The following CNTNAP4 variants were observed in gnomAD, a reference collection of about 807,000 sequenced individuals.
The protein encoded by CNTNAP4 is contactin associated protein family member 4, also known as contactin-associated protein-like 4.
A neutral mutation model predicts 148.4 loss-of-function variants in CNTNAP4; 98 were observed. That is an observed-to-expected ratio of 0.66 (90% CI 0.56 to 0.78). The LOEUF (loss-of-function observed/expected upper bound fraction) is 0.78. CNTNAP4 is among the 30% of genes least tolerant of loss of function. The pLI, the probability that CNTNAP4 is intolerant of heterozygous loss-of-function variation, is 0.00. For missense variants in CNTNAP4, 1,935 were observed against 1,565.6 expected, an observed-to-expected ratio of 1.24 and a Z score of -3.98; for synonymous variants, 730 against 565.1, an observed-to-expected ratio of 1.29 and a Z score of -4.14.
At chr16:76,316,263 T>C (rs752150565) in intron 1 of CNTNAP4, 150 bp from the exon 2 acceptor site, 21 of 700,886 alleles carry the variant, frequency 3.0e-5, no homozygotes, top group Non-Finnish European at 5.0e-5. Flanking sequence ...ACTAGACTTC[T>C]AGTAAGCCCT....
chr16:76,448,075 T>C lies in CNTNAP4; in HGVS notation c.602T>C (p.Leu201Pro). 1.2e-6 allele frequency: 2 copies of C among 1,613,780 alleles called. No individual in the cohort carries two copies. The highest frequency in any genetic ancestry group is 1.7e-4 in the Middle Eastern group (1 of 6,060). ...CTCTACAGATTTGATCAAAAATCCC[T>C]GAGCCCAATAAAAGACATTATTTCT... ...SLLYRFDQKS[L>P]SPIKDIISLK... The change falls in exon 5 of 24, where the codon CTG becomes CCG. Residue 201 changes from leucine (L) to proline (P), a missense_variant. Coordinates refer to ENST00000611870, the MANE Select transcript of CNTNAP4 (RefSeq NM_033401.5).
At chr16:76,498,041 C>T (rs971820293) in intron 14 of CNTNAP4, among the ~76,000 whole-genome samples, 3 of 152,138 alleles carry the variant, frequency 2.0e-5, no homozygotes, top group African/African-American at 7.2e-5. Flanking sequence ...CTATTTTTAA[C>T]ATATGCTATA....
rs114773480 is a variant in CNTNAP4 at position 76,439,633 on chromosome 16, A to G, written c.539-8379A>G. ...AGATTAATTTACATTGACAAAAATT[A>G]AGTGAGAATGATCATGTTTTTTCCC... On this transcript the variant is annotated intron_variant, in intron 4 of 23. Coordinates refer to ENST00000611870, the MANE Select transcript of CNTNAP4 (RefSeq NM_033401.5). Among the ~76,000 whole-genome samples the G allele has an allele frequency of 4.4e-3, 665 of 152,302 alleles. 4 individuals are homozygous for G. The highest frequency in any genetic ancestry group is 0.015 in the African/African-American group (633 of 41,582).
chr16:76,340,866 A>G (rs1030917609), intron 2 of CNTNAP4, among the ~76,000 whole-genome samples: 1 of 152,198 alleles, frequency 6.6e-6, no homozygotes. Flanking sequence ...CCAATCAGCA[A>G]TGTACTCCTT....
At chr16:76,346,484 T>A (rs1411290113) in intron 2 of CNTNAP4, among the ~76,000 whole-genome samples, 1 of 151,556 alleles carries the variant, frequency 6.6e-6, no homozygotes, top group Non-Finnish European at 1.5e-5. Context: ...GTTTTTAAAT[T>A]TCTGGGATAT....
chr16:76,435,146 A>G (rs1290392893), intron 4 of CNTNAP4, among the ~76,000 whole-genome samples: 2 of 152,148 alleles, frequency 1.3e-5, no homozygotes, highest in Admixed American at 6.5e-5. Flanking sequence ...CCTCCCCTTC[A>G]TTCAAGGGGT....
chr16:76,515,678 A>C (rs1461540053), intron 15 of CNTNAP4, among the ~76,000 whole-genome samples: 2 of 152,202 alleles, frequency 1.3e-5, no homozygotes, highest in Non-Finnish European at 2.9e-5. Flanking sequence ...AGGTTCAACC[A>C]AAGAAGGTAT....
chr16:76,337,957 C>T (rs1462308547), intron 2 of CNTNAP4, among the ~76,000 whole-genome samples: 1 of 152,130 alleles, frequency 6.6e-6, no homozygotes, highest in Non-Finnish European at 1.5e-5. Flanking sequence ...TTGTTCTATT[C>T]TTTTTCAGGG....
chr16:76,277,851 CG>C, intron 1 of CNTNAP4, 104 bp downstream of exon 1: 1 of 752,850 alleles, frequency 1.3e-6, no homozygotes, highest in Non-Finnish European at 2.3e-6. Context: ...TGCTGCAAAG[CG>C]TATTGCTGTA....
intron 2 of CNTNAP4, among the ~76,000 whole-genome samples, chr16:76,320,896 GC>G (rs1962336894): frequency 6.6e-6 from 1 of 152,106 alleles, no homozygotes; most frequent in Non-Finnish European, 1.5e-5. Context: ...ATTGTCCAAA[GC>G]AAAAATAATA....
intron 23 of CNTNAP4, among the ~76,000 whole-genome samples, chr16:76,556,988 C>T (rs2085225538): frequency 6.6e-6 from 1 of 152,132 alleles, no homozygotes; most frequent in Non-Finnish European, 1.5e-5. Flanking sequence ...TCCTCGCACT[C>T]CGTTACAGTT....
chr16:76,542,428 T>C (rs1043912701), intron 21 of CNTNAP4, among the ~76,000 whole-genome samples: 1 of 152,162 alleles, frequency 6.6e-6, no homozygotes, highest in Non-Finnish European at 1.5e-5. Flanking sequence ...CCAAAGAGAA[T>C]TGTAAAAGTC....
rs898167242 is a variant in CNTNAP4 at position 76,525,457 on chromosome 16, G to T, written c.2755+3200G>T. On this transcript the variant is annotated intron_variant, in intron 17 of 23. Coordinates refer to ENST00000611870, the MANE Select transcript of CNTNAP4 (RefSeq NM_033401.5). The stretch of plus-strand genomic sequence containing the variant: ...AAATCTATATAGAGAGAGAAAAAAT[G>T]TATATAATATAGAGAAAAAATATAT... 2.0e-5 allele frequency among the ~76,000 whole-genome samples: 3 copies of T among 147,886 alleles called. No individual in the cohort carries two copies. The Admixed American group carries it at 2.0e-4, about 10-fold the overall frequency.
chr16:76,338,096 G>A (rs142822498), intron 2 of CNTNAP4, among the ~76,000 whole-genome samples: 57 of 152,116 alleles, frequency 3.7e-4, no homozygotes, highest in African/African-American at 1.3e-3. Context: ...AGAGATTAAA[G>A]TAAAGACAGA....
rs548793575 is a variant in CNTNAP4, at chr16:76,461,302, C to T, written c.1334-654C>T. ...CCTCAGCAGGAAATGTGGACAGGGC[C>T]GCTTAAGGTCTTTACTGCTCTGTAC... On this transcript the variant is annotated intron_variant, in intron 8 of 23. Transcript: ENST00000611870. Among the ~76,000 whole-genome samples the T allele has an allele frequency of 3.3e-5, 5 of 152,110 alleles. No homozygotes were observed. In the South Asian group the frequency reaches 6.2e-4, roughly 19 times the overall value.
chr16:76,532,700 T>C (rs2084038410), intron 17 of CNTNAP4, among the ~76,000 whole-genome samples: 1 of 152,196 alleles, frequency 6.6e-6, no homozygotes, highest in Non-Finnish European at 1.5e-5. Context: ...AAAAAGTTCC[T>C]GTGCCAAAGT....
intron 3 of CNTNAP4, among the ~76,000 whole-genome samples, chr16:76,413,354 A>G (rs999357431): frequency 6.6e-6 from 1 of 151,202 alleles, no homozygotes; most frequent in Non-Finnish European, 1.5e-5. Context: ...TTGTTTTCCA[A>G]TGTGGATATC....
At chr16:76,529,404 T>G (rs899444393) in intron 17 of CNTNAP4, among the ~76,000 whole-genome samples, 5 of 152,212 alleles carry the variant, frequency 3.3e-5, no homozygotes, top group Non-Finnish European at 7.3e-5. Context: ...CAGTCACTGC[T>G]GTTATCGTAG....
At chr16:76,472,605 C>A (rs1230457321) in intron 10 of CNTNAP4, among the ~76,000 whole-genome samples, 3 of 152,188 alleles carry the variant, frequency 2.0e-5, no homozygotes, top group Non-Finnish European at 4.4e-5. Flanking sequence ...TTTATGGCTG[C>A]ATAGTATTCC....
Sources: allele counts gnomAD v4.1 joint callset (sites outside exome capture counted in the v4.1 genomes callset), GRCh38; gene constraint gnomAD v4.1.1; transcripts MANE v1.5; gene names NCBI Gene and HGNC (gene_info 2026-07-23, HGNC 2026-07-21).